SAMD9L: variants seen among roughly 807,000 people sequenced by gnomAD.
SAMD9L encodes sterile alpha motif domain-containing protein 9-like.
SAMD9L carries 68 observed loss-of-function variants against 90.7 expected under a neutral mutation model. The observed-to-expected ratio is 0.75, with a 90% CI of 0.62 to 0.92. SAMD9L has a LOEUF of 0.92. Among genes scored for constraint, SAMD9L ranks in the 40% least tolerant of loss-of-function variants. The pLI is 0.00. For synonymous variants in SAMD9L, 640 were observed against 630.1 expected (o/e 1.02, Z -0.23); for missense variants, 1,604 against 1,824.3 (o/e 0.88, Z 2.20).
chr7:93,133,133 C>T lies in SAMD9L; in HGVS notation c.2839G>A (p.Gly947Arg), dbSNP rs1446530126. 3.1e-6 allele frequency: 5 copies of T among 1,612,900 alleles called. No homozygotes were observed. The highest frequency in any genetic ancestry group is 2.2e-5 in the East Asian group (1 of 44,828). ...ISVSQCEIFLGIIYTSTPWEP... is the reference protein window; with the variant it reads ...ISVSQCEIFLRIIYTSTPWEP... ...CAGGGTGTACTAGTGTATATGATTC[C>T]CAAAAATATTTCACACTGTGAAACT... Residue 947 changes from glycine to arginine, a missense_variant, in exon 5 of 5, where the codon GGA becomes AGA. Gly to Arg is a moderately radical substitution (Grantham distance 125, BLOSUM62 -2). Coordinates refer to ENST00000318238, the MANE Select transcript of SAMD9L (RefSeq NM_152703.5).
rs1792829065 is a variant in SAMD9L at position 93,144,787 on chromosome 7, C to T, written c.-76G>A. ...CCTCCGGGAAAGGATGCTCAGAATC[C>T]CAGCTGCAGCCCAGCAGGCCCACCC... On this transcript the variant is annotated 5_prime_UTR_variant, in exon 4 of 5. Coordinates refer to ENST00000318238, the MANE Select transcript of SAMD9L (RefSeq NM_152703.5). 6.6e-6 allele frequency: 1 copy of T among 152,208 alleles called. No homozygotes were observed. Among genetic ancestry groups the T allele is most frequent in the African/African-American group, 2.4e-5 (1 of 41,428 alleles). The allele number at this position is 152,208 out of a possible 1,614,324, so 9.4% of individuals were successfully genotyped here. A position where few individuals can be genotyped will look rare whatever the true frequency, so the allele number is the denominator to read the frequency against.
Position 93,134,673 on chromosome 7 carries a change from A to G in SAMD9L, c.1299T>C (p.Asp433=), listed in dbSNP as rs749169304. 6.2e-7 allele frequency: 1 copy of G among 1,613,886 alleles called. No homozygotes were observed. The part of the protein sequence containing the change: ...KCHPNQIKHL[D]FLKEIKWFAV... ...CAAACCATTTAATTTCTTTTAAAAA[A>G]TCTAAGTGCTTTATTTGGTTTGGAT... is the stretch of plus-strand genomic sequence containing the variant. The change falls in exon 5 of 5, where the codon GAT becomes GAC. Residue 433 remains aspartate (D), a synonymous_variant. Transcript: ENST00000318238.
rs1792314444 is a variant in SAMD9L at position 93,134,413 on chromosome 7, T to C, written c.1559A>G (p.Glu520Gly). The change falls in exon 5 of 5, where the codon GAA becomes GGA. Residue 520 changes from glutamate to glycine, a missense_variant. Around this residue, in one of 7 missense-constraint regions of SAMD9L, gnomAD observed 606 missense variants for 717.6 expected, o/e 0.84. Coordinates refer to ENST00000318238, the MANE Select transcript of SAMD9L (RefSeq NM_152703.5). ...TAGTTTCCTGACTTCTGAAGCTCTTTCTCTCTGCCATAAATGTGGTTCTAG... is the reference window on the plus strand; with the variant it reads ...TAGTTTCCTGACTTCTGAAGCTCTTCCTCTCTGCCATAAATGTGGTTCTAG... Reference protein sequence around the residue: ...KPLEPHLWQRERASEVRKLIL... With the variant: ...KPLEPHLWQRGRASEVRKLIL... The C allele has an allele frequency of 2.5e-6, 4 of 1,613,734 alleles. No homozygotes were observed. Among genetic ancestry groups the C allele is most frequent in the African/African-American group, 2.7e-5 (2 of 75,026 alleles).
Position 93,135,773 on chromosome 7 carries a change from A to G in SAMD9L, c.199T>C (p.Leu67=). 6.2e-7 allele frequency: 1 copy of G among 1,613,978 alleles called. No individual in the cohort carries two copies. Among genetic ancestry groups the G allele is most frequent in the Non-Finnish European group, 8.5e-7 (1 of 1,179,954 alleles). ...AATTTGTTGTATGAACGTTTTATCAAAAGTGCTGGACCCCATGGTAGCCCC... is the reference window on the plus strand; with the variant it reads ...AATTTGTTGTATGAACGTTTTATCAGAAGTGCTGGACCCCATGGTAGCCCC... ...EMGLPWGPAL[L]IKRSYNKLNS... is the part of the protein sequence containing the mutation. The change falls in exon 5 of 5, where the codon TTG becomes CTG. Residue 67 remains leucine, a synonymous_variant. Transcript: ENST00000318238.
chr7:93,132,662 C>T lies in SAMD9L; in HGVS notation c.3310G>A (p.Asp1104Asn). Residue 1104 changes from aspartate to asparagine, a missense_variant, in exon 5 of 5, where the codon GAC becomes AAC. Asp to Asn is a conservative substitution (Grantham distance 23). Coordinates refer to ENST00000318238, the MANE Select transcript of SAMD9L (RefSeq NM_152703.5). Reference protein sequence around the residue: ...IKEKDFNTALDWARQAKMKAP... With the variant: ...IKEKDFNTALNWARQAKMKAP... The stretch of plus-strand genomic sequence containing the variant: ...TTCATTTTGGCCTGACGTGCCCAGT[C>T]CAGAGCTGTGTTAAAGTCCTTCTCT... The T allele has an allele frequency of 6.2e-7, 1 of 1,613,828 alleles. No individual in the cohort carries two copies. Among genetic ancestry groups the T allele is most frequent in the Non-Finnish European group, 8.5e-7 (1 of 1,179,832 alleles).
Position 93,134,465 on chromosome 7 carries a change from C to A in SAMD9L, c.1507G>T (p.Asp503Tyr), listed in dbSNP as rs1792318524. 3.1e-6 allele frequency: 5 copies of A among 1,613,808 alleles called. No individual in the cohort carries two copies. Among genetic ancestry groups the A allele is most frequent in the African/African-American group, 1.3e-5 (1 of 74,902 alleles). ...GGTTTATATGTCTCGCTTTTCAGGTCTGATCTGCCGTTGCAGAAAATCCAG... is the reference window on the plus strand; with the variant it reads ...GGTTTATATGTCTCGCTTTTCAGGTATGATCTGCCGTTGCAGAAAATCCAG... ...PSWIFCNGRS[D>Y]LKSETYKPLE... Residue 503 changes from aspartate to tyrosine, a missense_variant, in exon 5 of 5, where the codon GAC becomes TAC. This residue lies in a region of SAMD9L where 606 missense variants were observed against 717.6 expected (regional missense o/e 0.84). Coordinates refer to ENST00000318238, the MANE Select transcript of SAMD9L (RefSeq NM_152703.5).
Position 93,134,916 on chromosome 7 carries a change from G to T in SAMD9L, c.1056C>A (p.Ile352=). The change falls in exon 5 of 5, where the codon ATC becomes ATA. Residue 352 remains isoleucine (I), a synonymous_variant. Transcript: ENST00000318238. The stretch of plus-strand genomic sequence containing the variant: ...CATCCCGTTGCTTGGAATTGGCCAG[G>T]ATATCCCTAGAGCTAGCCCCTTCTC... The part of the protein sequence containing the change: ...FVREGASSRD[I]LANSKQRDVD... 1 of 1,613,876 alleles carries T rather than the reference G, an allele frequency of 6.2e-7. No homozygotes were observed. Among genetic ancestry groups the T allele is most frequent in the East Asian group, 2.2e-5 (1 of 44,858 alleles).
At chr7:93,141,756 C>A (rs546806666) in intron 4 of SAMD9L, among the ~76,000 whole-genome samples, 30 of 152,250 alleles carry the variant, frequency 2.0e-4, no homozygotes, top group South Asian at 1.2e-3. Flanking sequence ...CACCACCATG[C>A]CATTCACTCT....
At position 93,131,994 on chromosome 7, in the gene SAMD9L, C is replaced by T. The variant is rs374763829; in HGVS notation, c.3978G>A (p.Glu1326=). 52 of 1,611,784 alleles carry T rather than the reference C, an allele frequency of 3.2e-5. No homozygotes were observed. The highest frequency in any genetic ancestry group is 5.0e-5 in the Admixed American group (3 of 59,582). The change falls in exon 5 of 5, where the codon GAG becomes GAA. Residue 1326 remains glutamate, a synonymous_variant. Transcript: ENST00000318238. ...QSKESQLLQE[E]NCRKKLEALR... ...GAGCTTCTAGCTTTTTCCTGCAATT[C>T]TCCTCCTGGAGTAATTGACTCTCTT...
In SAMD9L at chr7:93,135,254, C is replaced by A. The variant is rs372981978; in HGVS notation, c.718G>T (p.Gly240Ter). 117 of 1,613,936 alleles carry A rather than the reference C, an allele frequency of 7.2e-5. No individual in the cohort carries two copies. Among genetic ancestry groups the A allele is most frequent in the Non-Finnish European group, 9.3e-5 (110 of 1,179,982 alleles). ...NSRTNGTIHF[G>*]VKDKPHGEIV... ...TCTCCATGGGGTTTGTCCTTGACTC[C>A]AAAATGGATGGTGCCATTGGTGCGT... Residue 240 changes from glycine to a stop codon, truncating the protein, a stop_gained, in exon 5 of 5, where the codon GGA becomes TGA. Coordinates refer to ENST00000318238, the MANE Select transcript of SAMD9L (RefSeq NM_152703.5). LOFTEE classifies it low-confidence loss of function (END_TRUNC).
In SAMD9L at chr7:93,135,297, T is replaced by G. The variant is rs772872287; in HGVS notation, c.675A>C (p.Ala225=). The stretch of plus-strand genomic sequence containing the variant: ...TGGTGCGTGAATTCATACAAGCTGA[T>G]GCAAATCGGAAGACTTCATTGCTGA... ...MKFSNEVFRF[A]SACMNSRTNG... is the part of the protein sequence containing the mutation. The change falls in exon 5 of 5, where the codon GCA becomes GCC. Residue 225 remains alanine (A), a synonymous_variant. Coordinates refer to ENST00000318238, the MANE Select transcript of SAMD9L (RefSeq NM_152703.5). 2 of 1,614,180 alleles carry G rather than the reference T, an allele frequency of 1.2e-6. No individual in the cohort carries two copies. Among genetic ancestry groups the G allele is most frequent in the Non-Finnish European group, 1.7e-6 (2 of 1,180,006 alleles).
Position 93,135,289 on chromosome 7 carries a change from C to T in SAMD9L, c.683G>A (p.Cys228Tyr), listed in dbSNP as rs1433514195. The T allele has an allele frequency of 1.2e-6, 2 of 1,614,134 alleles. No individual in the cohort carries two copies. Among genetic ancestry groups the T allele is most frequent in the Admixed American group, 1.7e-5 (1 of 60,014 alleles). ...GGTGCCATTGGTGCGTGAATTCATA[C>T]AAGCTGATGCAAATCGGAAGACTTC... is the stretch of plus-strand genomic sequence containing the variant. ...SNEVFRFASA[C>Y]MNSRTNGTIH... Residue 228 changes from cysteine (C) to tyrosine (Y), a missense_variant, in exon 5 of 5, where the codon TGT becomes TAT. Cys to Tyr is a radical substitution (Grantham distance 194). This residue lies in a region of SAMD9L where 374 missense variants were observed against 363.6 expected (regional missense o/e 1.03). Transcript: ENST00000318238.
At position 93,132,287 on chromosome 7, in the gene SAMD9L, C is replaced by T. The variant is rs372780313; in HGVS notation, c.3685G>A (p.Val1229Met). 1 of 1,613,560 alleles carries T rather than the reference C, an allele frequency of 6.2e-7. No homozygotes were observed. The highest frequency in any genetic ancestry group is 8.5e-7 in the Non-Finnish European group (1 of 1,179,812). ...KENELSKKHM[V>M]QFLSGKWTIP... ...GTCCACTTTCCTGATAAAAATTGCA[C>T]CATATGTTTTTTGGATAATTCATTT... Residue 1229 changes from valine (V) to methionine (M), a missense_variant, in exon 5 of 5, where the codon GTG (valine) becomes ATG (methionine). Transcript: ENST00000318238.
Position 93,132,648 on chromosome 7 carries a change from C to T in SAMD9L, c.3324G>A (p.Gln1108=). Residue 1108 remains glutamine (Q), a synonymous_variant, in exon 5 of 5, where the codon CAG becomes CAA. Coordinates refer to ENST00000318238, the MANE Select transcript of SAMD9L (RefSeq NM_152703.5). ...DFNTALDWAR[Q]AKMKAPKNSY... Reference sequence around the variant, plus strand: ...AATTTTTAGGTGCTTTCATTTTGGCCTGACGTGCCCAGTCCAGAGCTGTGT... The same window carrying T: ...AATTTTTAGGTGCTTTCATTTTGGCTTGACGTGCCCAGTCCAGAGCTGTGT... The T allele has an allele frequency of 6.2e-7, 1 of 1,613,748 alleles. No homozygotes were observed. Among genetic ancestry groups the T allele is most frequent in the South Asian group, 1.1e-5 (1 of 91,044 alleles).
chr7:93,136,917 G>C (rs1246996323), intron 4 of SAMD9L, among the ~76,000 whole-genome samples: 1 of 152,130 alleles, frequency 6.6e-6, no homozygotes, highest in Non-Finnish European at 1.5e-5. Context: ...CAACAGCAGT[G>C]GTTCTTAAGG....
rs1309301281 is a variant in SAMD9L, at chr7:93,131,279, CT to C, written c.4692del (p.Val1565CysfsTer5). On this transcript the variant is annotated frameshift_variant, in exon 5 of 5. Coordinates refer to ENST00000318238, the MANE Select transcript of SAMD9L (RefSeq NM_152703.5). LOFTEE classifies it high-confidence loss of function. Reference protein sequence around the residue: ...GPLRSGRNIERVSFYLGFSIE... With the variant: ...GPLRSGRNIEXVSFYLGFSIE... ...ATGGAAAATCCTAGGTAGAAAGACA[CT>C]CTTTCTATGTTCCTACCACTTCTGA... is the stretch of plus-strand genomic sequence containing the variant. 6.2e-7 allele frequency: 1 copy of C among 1,604,532 alleles called. No individual in the cohort carries two copies. Among genetic ancestry groups the C allele is most frequent in the East Asian group, 2.2e-5 (1 of 44,840 alleles).
At chr7:93,138,019 T>C (rs1792525982) in intron 4 of SAMD9L, among the ~76,000 whole-genome samples, 1 of 152,210 alleles carries the variant, frequency 6.6e-6, no homozygotes, top group Admixed American at 6.6e-5. Context: ...CAGCTTCCAC[T>C]TGCCTTGGTA....
In SAMD9L at chr7:93,132,605, G is replaced by C. The variant is rs372468662; in HGVS notation, c.3367C>G (p.Leu1123Val). ...APKNSYISDT[L>V]GQVYKSEIKW... The stretch of plus-strand genomic sequence containing the variant: ...ATTTCACTTTTGTAGACTTGACCTA[G>C]TGTATCTGAAATATAGGAATTTTTA... Residue 1123 changes from leucine to valine, a missense_variant, in exon 5 of 5, where the codon CTA becomes GTA. Leu to Val is a conservative substitution (Grantham distance 32). Coordinates refer to ENST00000318238, the MANE Select transcript of SAMD9L (RefSeq NM_152703.5). 5.6e-6 allele frequency: 9 copies of C among 1,613,602 alleles called. No homozygotes were observed. The highest frequency in any genetic ancestry group is 1.7e-5 in the Admixed American group (1 of 59,918).
At position 93,145,679 on chromosome 7, in the gene SAMD9L, C is replaced by T. The variant is rs1212669228; in HGVS notation, c.-417G>A. Reference sequence around the variant, plus strand: ...GGAAATGTTTATGAAACAGATTTTCCCCCCAACTTTCTACTATGAAAATGT... The same window carrying T: ...GGAAATGTTTATGAAACAGATTTTCTCCCCAACTTTCTACTATGAAAATGT... On this transcript the variant is annotated 5_prime_UTR_variant, in exon 3 of 5. Coordinates refer to ENST00000318238, the MANE Select transcript of SAMD9L (RefSeq NM_152703.5). The T allele has an allele frequency of 6.6e-6, 1 of 152,100 alleles. No homozygotes were observed. The highest frequency in any genetic ancestry group is 2.4e-5 in the African/African-American group (1 of 41,396). The allele number at this position is 152,100 out of a possible 1,614,324, so 9.4% of individuals were successfully genotyped here.
Sources: gnomAD v4.1 joint callset for allele counts (sites outside exome capture counted in the v4.1 genomes callset) on GRCh38, gnomAD v4.1.1 for gene constraint, gnomAD v4.1.1 regional missense constraint, MANE v1.5 for transcripts, NCBI Gene and HGNC (gene_info 2026-07-23, HGNC 2026-07-21) for gene names.